Variants in SBF2 observed in about 807,000 individuals in gnomAD.
The protein encoded by SBF2 is SET binding factor 2.
In SBF2, 112 loss-of-function variants were observed where a neutral mutation model predicts 225.2. That is an observed-to-expected ratio of 0.50 (90% CI 0.43 to 0.58). The LOEUF is 0.58. SBF2 is among the 20% of genes least tolerant of loss of function. The pLI, the probability that SBF2 is intolerant of heterozygous loss-of-function variation, is 0.00. For synonymous variants in SBF2, 763 were observed against 773.3 expected (o/e 0.99, Z 0.22); for missense variants, 1,996 against 2,206.2 (o/e 0.90, Z 1.91).
At chr11:10,079,165 T>C (rs1358106059) in intron 2 of SBF2, among the ~76,000 whole-genome samples, 1 of 152,122 alleles carries the variant, frequency 6.6e-6, no homozygotes, top group Non-Finnish European at 1.5e-5. Context: ...AAACACAAGA[T>C]GCTATGACAT....
Position 9,779,033 on chromosome 11 carries a change from C to G in SBF2, c.*1385G>C, listed in dbSNP as rs998480297. On this transcript the variant is annotated 3_prime_UTR_variant, in exon 40 of 40. Transcript: ENST00000256190. ...ATAAAATGGAAATGATAGAAAAGTC[C>G]TTCATTCTTAATTATCCCCAGATTT... The G allele has an allele frequency of 3.3e-5, 5 of 152,712 alleles. No homozygotes were observed. The highest frequency in any genetic ancestry group is 1.2e-4 in the African/African-American group (5 of 41,560). The allele number at this position is 152,712 out of a possible 1,614,324, so 9.5% of individuals were successfully genotyped here. A position where few individuals can be genotyped will look rare whatever the true frequency, so the allele number is the denominator to read the frequency against.
chr11:9,837,779 C>T (rs1855825467), intron 26 of SBF2, among the ~76,000 whole-genome samples: 1 of 151,858 alleles, frequency 6.6e-6, no homozygotes, highest in East Asian at 1.9e-4. Flanking sequence ...TGCTCTGTCA[C>T]CAGGCTGGAG....
intron 16 of SBF2, among the ~76,000 whole-genome samples, chr11:9,920,212 A>G (rs964747923): frequency 6.6e-6 from 1 of 150,382 alleles, no homozygotes; most frequent in African/African-American, 2.4e-5. Context: ...GTGTATATAT[A>G]TATATATACA....
intron 16 of SBF2, among the ~76,000 whole-genome samples, chr11:9,933,616 C>G (rs1221425291): frequency 6.6e-6 from 1 of 152,000 alleles, no homozygotes; most frequent in African/African-American, 2.4e-5. Flanking sequence ...ACTAATGAGA[C>G]CAAAGACACA....
intron 2 of SBF2, among the ~76,000 whole-genome samples, chr11:10,159,283 T>A (rs1955614893): frequency 6.6e-6 from 1 of 152,230 alleles, no homozygotes; most frequent in African/African-American, 2.4e-5. Flanking sequence ...GCAGACCTCC[T>A]TCTGGCCTGG....
chr11:9,933,857 T>G (rs889738795), intron 16 of SBF2, among the ~76,000 whole-genome samples: 13 of 152,108 alleles, frequency 8.5e-5, no homozygotes, highest in Non-Finnish European at 1.5e-4. Context: ...TTCAAAAAAA[T>G]CAATGAATCC....
intron 2 of SBF2, among the ~76,000 whole-genome samples, chr11:10,187,260 TTC>T (rs2135307989): frequency 6.6e-6 from 1 of 152,144 alleles, no homozygotes; most frequent in South Asian, 2.1e-4. Context: ...GATTTAATTA[TTC>T]TCTTTTTCCT....
At position 9,981,431 on chromosome 11, in the gene SBF2, CAT is replaced by C. The variant is rs541318294; in HGVS notation, c.1395+8064_1395+8065del. ...ACTAAGCCCAGCTAACAAATCTGCACATGTGCCCCTTAATCTAAAATAAAAGT... is the reference window on the plus strand; with the variant it reads ...ACTAAGCCCAGCTAACAAATCTGCACGTGCCCCTTAATCTAAAATAAAAGT... On this transcript the variant is annotated intron_variant, in intron 13 of 39. Coordinates refer to ENST00000256190, the MANE Select transcript of SBF2 (RefSeq NM_030962.4). Among the ~76,000 whole-genome samples the C allele has an allele frequency of 1.1e-4, 17 of 152,258 alleles. No individual in the cohort carries two copies. In the East Asian group the frequency reaches 2.9e-3, roughly 26 times the overall value.
chr11:10,013,459 A>C (rs1948530651), intron 6 of SBF2, among the ~76,000 whole-genome samples: 1 of 152,216 alleles, frequency 6.6e-6, no homozygotes, highest in Admixed American at 6.5e-5. Flanking sequence ...TAGCATGAAT[A>C]AATGTTTCCA....
chr11:9,955,501 T>C (rs961089314), intron 16 of SBF2, among the ~76,000 whole-genome samples: 2 of 152,016 alleles, frequency 1.3e-5, no homozygotes, highest in African/African-American at 2.4e-5. Flanking sequence ...GCTAGCCAAA[T>C]GGTAGGCAGT....
intron 2 of SBF2, among the ~76,000 whole-genome samples, chr11:10,182,379 T>G (rs1342335872): frequency 3.3e-5 from 5 of 152,172 alleles, no homozygotes; most frequent in Non-Finnish European, 5.9e-5. Context: ...AATATACACC[T>G]CTCTATATAT....
chr11:10,193,039 T>C lies in SBF2; in HGVS notation c.141+863A>G, dbSNP rs912341979. On this transcript the variant is annotated intron_variant, in intron 2 of 39. Coordinates refer to ENST00000256190, the MANE Select transcript of SBF2 (RefSeq NM_030962.4). ...AACCAATAAATTCCTTTAAAACGGG[T>C]AACAACAACAACAAAAGGAGTTGAA... Among the ~76,000 whole-genome samples, 3 of 152,122 alleles carry C rather than the reference T, an allele frequency of 2.0e-5. No individual in the cohort carries two copies. The South Asian group carries it at 6.2e-4, about 32-fold the overall frequency.
intron 1 of SBF2, among the ~76,000 whole-genome samples, chr11:10,229,392 T>C (rs1243861549): frequency 2.0e-5 from 3 of 152,216 alleles, no homozygotes; most frequent in Non-Finnish European, 2.9e-5. Context: ...TCTAGTTCTT[T>C]TAATTGTGAT....
intron 32 of SBF2, among the ~76,000 whole-genome samples, chr11:9,802,308 C>G (rs1853539479): frequency 6.6e-6 from 1 of 152,122 alleles, no homozygotes; most frequent in African/African-American, 2.4e-5. Flanking sequence ...CCAGATGTTG[C>G]TATTATGAAA....
rs1037170459 is a variant in SBF2 at position 10,294,185 on chromosome 11, C to T, written c.-116G>A. 1.1e-4 allele frequency: 89 copies of T among 786,146 alleles called. No individual in the cohort carries two copies. Among genetic ancestry groups the T allele is most frequent in the Non-Finnish European group, 1.5e-4 (84 of 578,122 alleles). The allele number at this position is 786,146 out of a possible 1,614,324, so 48.7% of individuals were successfully genotyped here. A position where few individuals can be genotyped will look rare whatever the true frequency, so the allele number is the denominator to read the frequency against. On this transcript the variant is annotated 5_prime_UTR_variant, in exon 1 of 40. Coordinates refer to ENST00000256190, the MANE Select transcript of SBF2 (RefSeq NM_030962.4). ...GCAGCGGCAGTAGCGGCAGCGGCAGCGCTTCAGCCATGTTTGACAACCGAG... is the reference window on the plus strand; with the variant it reads ...GCAGCGGCAGTAGCGGCAGCGGCAGTGCTTCAGCCATGTTTGACAACCGAG...
At chr11:9,935,157 A>G (rs1333237904) in intron 16 of SBF2, among the ~76,000 whole-genome samples, 2 of 152,168 alleles carry the variant, frequency 1.3e-5, no homozygotes, top group African/African-American at 4.8e-5. Flanking sequence ...TCTTACACCA[A>G]TAACAGACAA....
Position 9,969,113 on chromosome 11 carries a change from G to A in SBF2, c.1396-568C>T, listed in dbSNP as rs74811171. Reference sequence around the variant, plus strand: ...GCTTTCTTCAGTCTTCCTCACATCAGTAAATGGCACATTTATTTTTTCCAA... The same window carrying A: ...GCTTTCTTCAGTCTTCCTCACATCAATAAATGGCACATTTATTTTTTCCAA... On this transcript the variant is annotated intron_variant, in intron 13 of 39. Coordinates refer to ENST00000256190, the MANE Select transcript of SBF2 (RefSeq NM_030962.4). Among the ~76,000 whole-genome samples, 1,192 of 152,226 alleles carry A rather than the reference G, an allele frequency of 7.8e-3. 13 individuals are homozygous for A. The highest frequency in any genetic ancestry group is 0.027 in the African/African-American group (1,124 of 41,526).
chr11:9,988,300 C>T (rs989840257), intron 13 of SBF2, among the ~76,000 whole-genome samples: 2 of 152,140 alleles, frequency 1.3e-5, no homozygotes, highest in Non-Finnish European at 2.9e-5. Flanking sequence ...GGACCTGAAA[C>T]TATAAGAATT....
chr11:10,017,474 C>G (rs1948698873), intron 6 of SBF2, among the ~76,000 whole-genome samples: 1 of 152,152 alleles, frequency 6.6e-6, no homozygotes, highest in African/African-American at 2.4e-5. Flanking sequence ...GTGTACTATA[C>G]TCCAGACACT....
Sources: gnomAD v4.1 joint callset for allele counts (sites outside exome capture counted in the v4.1 genomes callset) on GRCh38, gnomAD v4.1.1 for gene constraint, MANE v1.5 for transcripts, NCBI Gene and HGNC (gene_info 2026-07-23, HGNC 2026-07-21) for gene names.